PDZD2: variants seen among roughly 807,000 people sequenced by gnomAD.
The protein encoded by PDZD2 is PDZ domain containing 2.
In PDZD2, 90 loss-of-function variants were observed where a neutral mutation model predicts 220.7. That is an observed-to-expected ratio of 0.41 (90% CI 0.34 to 0.49). PDZD2 has a LOEUF of 0.49. PDZD2 is among the 20% of genes least tolerant of loss of function. The pLI is 0.28. For synonymous variants in PDZD2, 1,375 were observed against 1,450.5 expected, an observed-to-expected ratio of 0.95 and a Z score of 1.18; for missense variants, 3,174 against 3,608.5, an observed-to-expected ratio of 0.88 and a Z score of 3.08.
intron 1 of PDZD2, among the ~76,000 whole-genome samples, chr5:31,668,049 A>G (rs1196781957): frequency 6.6e-6 from 1 of 151,696 alleles, no homozygotes; most frequent in African/African-American, 2.4e-5. Context: ...TTTAGTAAAG[A>G]CGGGGGTTTC....
Position 32,110,764 on chromosome 5 carries a change from CTTTA to C in PDZD2, c.*2635_*2638del, listed in dbSNP as rs772355416. 4 of 152,476 alleles carry C rather than the reference CTTTA, an allele frequency of 2.6e-5. No homozygotes were observed. The highest frequency in any genetic ancestry group is 1.9e-4 in the East Asian group (1 of 5,206). The allele number at this position is 152,476 out of a possible 1,614,324, so 9.4% of individuals were successfully genotyped here. A position where few individuals can be genotyped will look rare whatever the true frequency, so the allele number is the denominator to read the frequency against. Reference sequence around the variant, plus strand: ...ACTTTGTATGATATTATACATTAACCTTTATTTATGTAAAGTAAAATGCCTTATA... The same window carrying C: ...ACTTTGTATGATATTATACATTAACCTTTATGTAAAGTAAAATGCCTTATA... On this transcript the variant is annotated 3_prime_UTR_variant, in exon 25 of 25. Transcript: ENST00000438447.
chr5:31,860,221 GAC>G (rs1737563345), intron 2 of PDZD2, among the ~76,000 whole-genome samples: 1 of 152,118 alleles, frequency 6.6e-6, no homozygotes, highest in African/African-American at 2.4e-5. Context: ...GAGTTGCCGA[GAC>G]ACAGCAGAGC....
At chr5:31,769,597 TTTA>T (rs1359632324) in intron 1 of PDZD2, among the ~76,000 whole-genome samples, 1 of 152,234 alleles carries the variant, frequency 6.6e-6, no homozygotes, top group Non-Finnish European at 1.5e-5. Flanking sequence ...GGCTTTTATT[TTTA>T]AATTGTTTCT....
chr5:31,762,734 A>G (rs1751730762), intron 1 of PDZD2, among the ~76,000 whole-genome samples: 1 of 152,200 alleles, frequency 6.6e-6, no homozygotes, highest in Admixed American at 6.5e-5. Context: ...GAGTGCAATA[A>G]TTGGCCATAA....
At chr5:31,763,566 A>G (rs1751783854) in intron 1 of PDZD2, among the ~76,000 whole-genome samples, 1 of 152,180 alleles carries the variant, frequency 6.6e-6, no homozygotes, top group African/African-American at 2.4e-5. Flanking sequence ...ATATAATTTG[A>G]AGTTGAGAAC....
At chr5:31,969,027 A>G (rs1749021403) in intron 2 of PDZD2, among the ~76,000 whole-genome samples, 1 of 152,068 alleles carries the variant, frequency 6.6e-6, no homozygotes, top group Admixed American at 6.6e-5. Context: ...TGTGGAGAGG[A>G]TGCTTTGGAG....
intron 3 of PDZD2, among the ~76,000 whole-genome samples, chr5:31,993,321 A>AGG (rs1378158517): frequency 6.6e-6 from 1 of 152,190 alleles, no homozygotes; most frequent in African/African-American, 2.4e-5. Context: ...CAGGGGATGG[A>AGG]GGAGACAGTT....
intron 2 of PDZD2, among the ~76,000 whole-genome samples, chr5:31,902,926 C>T (rs1014441421): frequency 4.6e-5 from 7 of 151,474 alleles, no homozygotes; most frequent in Non-Finnish European, 7.4e-5. Context: ...GTCAATTTCT[C>T]ATTGTTCCAG....
At chr5:31,868,810 C>G (rs1738470734) in intron 2 of PDZD2, among the ~76,000 whole-genome samples, 1 of 152,166 alleles carries the variant, frequency 6.6e-6, no homozygotes. Flanking sequence ...CTTGCTCTTT[C>G]ACCCAGGCTG....
chr5:31,996,336 G>C (rs1751632198), intron 4 of PDZD2, among the ~76,000 whole-genome samples: 1 of 152,218 alleles, frequency 6.6e-6, no homozygotes, highest in African/African-American at 2.4e-5. Context: ...CCAATACTTT[G>C]GGAGGCCAAA....
chr5:31,879,256 G>A (rs1739634205), intron 2 of PDZD2, among the ~76,000 whole-genome samples: 4 of 151,844 alleles, frequency 2.6e-5, no homozygotes, highest in African/African-American at 4.8e-5. Flanking sequence ...GCGTGGTGGC[G>A]GGCGCCTGTA....
At chr5:31,910,338 G>A (rs910622760) in intron 2 of PDZD2, among the ~76,000 whole-genome samples, 1 of 149,300 alleles carries the variant, frequency 6.7e-6, no homozygotes, top group African/African-American at 2.5e-5. Context: ...TCATGACTCA[G>A]CCTCCCAAGC....
At chr5:31,821,659 G>A (rs111531528) in intron 2 of PDZD2, among the ~76,000 whole-genome samples, 1,628 of 152,236 alleles carry the variant, frequency 0.011, 30 homozygotes, top group African/African-American at 0.037. Context: ...GGTTACAGGC[G>A]TGAGCCACTG....
intron 2 of PDZD2, among the ~76,000 whole-genome samples, chr5:31,868,818 C>CT (rs1358699006): frequency 6.6e-6 from 1 of 152,198 alleles, no homozygotes; most frequent in Non-Finnish European, 1.5e-5. Context: ...TTCACCCAGG[C>CT]TGGAGTGCAG....
intron 2 of PDZD2, among the ~76,000 whole-genome samples, chr5:31,949,136 C>T (rs928588387): frequency 8.1e-5 from 12 of 147,922 alleles, no homozygotes; most frequent in Admixed American, 6.1e-4. Flanking sequence ...GTGTTCCTGG[C>T]TGGCTTCTTC....
At chr5:31,663,090 C>T (rs1314396384) in intron 1 of PDZD2, among the ~76,000 whole-genome samples, 2 of 152,224 alleles carry the variant, frequency 1.3e-5, no homozygotes, top group South Asian at 2.1e-4. Context: ...CATTCACGTC[C>T]ACAATGCCTT....
chr5:32,007,001 C>T (rs1477303274), intron 5 of PDZD2, among the ~76,000 whole-genome samples: 2 of 148,308 alleles, frequency 1.3e-5, no homozygotes, highest in African/African-American at 2.5e-5. Flanking sequence ...CTACAAGCTC[C>T]GCCTCCCAGG....
At chr5:31,681,652 T>C (rs1746655512) in intron 1 of PDZD2, among the ~76,000 whole-genome samples, 1 of 152,138 alleles carries the variant, frequency 6.6e-6, no homozygotes, top group Non-Finnish European at 1.5e-5. Flanking sequence ...TCCTACCATA[T>C]TGGATCACAA....
At chr5:31,703,734 A>C (rs1747693919) in intron 1 of PDZD2, among the ~76,000 whole-genome samples, 1 of 152,214 alleles carries the variant, frequency 6.6e-6, no homozygotes, top group Non-Finnish European at 1.5e-5. Flanking sequence ...ATAACTGGTC[A>C]TTCTCACATT....
Sources: allele counts gnomAD v4.1 joint callset (sites outside exome capture counted in the v4.1 genomes callset), GRCh38; gene constraint gnomAD v4.1.1; transcripts MANE v1.5; gene names NCBI Gene and HGNC (gene_info 2026-07-23, HGNC 2026-07-21).